Variants in WDFY1 observed in about 807,000 individuals in gnomAD.
WDFY1 encodes the protein WD repeat and FYVE domain containing 1.
In WDFY1, 32 loss-of-function variants were observed where a neutral mutation model predicts 56.4. The observed-to-expected ratio is 0.57, with a 90% CI of 0.43 to 0.76. WDFY1 has a LOEUF of 0.76. Ranked by LOEUF, WDFY1 falls within the 30% of genes least tolerant of loss-of-function variation. The pLI, the probability that WDFY1 is intolerant of heterozygous loss-of-function variation, is 0.00. For synonymous variants in WDFY1, 192 were observed against 197.3 expected (o/e 0.97, Z 0.23); for missense variants, 480 against 545.7 (o/e 0.88, Z 1.20).
intron 1 of WDFY1, among the ~76,000 whole-genome samples, chr2:223,938,235 C>T (rs1689234880): frequency 6.6e-6 from 1 of 152,178 alleles, no homozygotes; most frequent in African/African-American, 2.4e-5. Flanking sequence ...ATAAGTACGT[C>T]CATCCACAAA....
At chr2:223,942,898 C>G (rs1235695271) in intron 1 of WDFY1, among the ~76,000 whole-genome samples, 6 of 151,450 alleles carry the variant, frequency 4.0e-5, no homozygotes, top group Admixed American at 1.3e-4. Context: ...AGTCATTATT[C>G]TGGCCGGACA....
intron 5 of WDFY1, 26 bp from the exon 6 acceptor site, chr2:223,899,096 G>T: frequency 6.3e-7 from 1 of 1,592,396 alleles, no homozygotes; most frequent in South Asian, 1.1e-5. Context: ...CAAGGATGTA[G>T]AACAGAAATC....
chr2:223,904,003 G>T (rs1054744645), intron 4 of WDFY1, among the ~76,000 whole-genome samples: 1 of 152,106 alleles, frequency 6.6e-6, no homozygotes, highest in Non-Finnish European at 1.5e-5. Context: ...GCATTTAAAG[G>T]TCTCCAAACT....
intron 8 of WDFY1, among the ~76,000 whole-genome samples, chr2:223,887,956 G>A (rs139228278): frequency 3.3e-5 from 5 of 152,246 alleles, no homozygotes; most frequent in East Asian, 3.9e-4. Flanking sequence ...CAGGAAAAAC[G>A]TTCTCAGTCC....
chr2:223,894,303 G>A lies in WDFY1; in HGVS notation c.762C>T (p.Thr254=). The A allele has an allele frequency of 6.2e-7, 1 of 1,614,172 alleles. No homozygotes were observed. The highest frequency in any genetic ancestry group is 1.1e-5 in the South Asian group (1 of 91,080). The change falls in exon 8 of 12, where the codon ACC becomes ACT. Residue 254 remains threonine, a synonymous_variant. Coordinates refer to ENST00000233055, the MANE Select transcript of WDFY1 (RefSeq NM_020830.5). The stretch of plus-strand genomic sequence containing the variant: ...CCGAGGAACAGGAGACGAGCTGCCT[G>A]GTGAGCTGAAGGTAGCACAGCGACT... ...KVQSLCYLQL[T]RQLVSCSSDG...
At chr2:223,938,923 C>G (rs1205597387) in intron 1 of WDFY1, among the ~76,000 whole-genome samples, 6 of 148,124 alleles carry the variant, frequency 4.1e-5, no homozygotes, top group Non-Finnish European at 8.9e-5. Flanking sequence ...GGCACGATCT[C>G]AGCTCACCTC....
chr2:223,939,977 T>G (rs1252180823), intron 1 of WDFY1, among the ~76,000 whole-genome samples: 1 of 152,256 alleles, frequency 6.6e-6, no homozygotes, highest in Admixed American at 6.5e-5. Context: ...TGCTCTCAGC[T>G]AGTTCTCACT....
rs760522424 is a variant in WDFY1 at position 223,945,301 on chromosome 2, C to T, written c.-17G>A. 7 of 1,558,536 alleles carry T rather than the reference C, an allele frequency of 4.5e-6. No individual in the cohort carries two copies. In the East Asian group the frequency reaches 1.0e-4, roughly 23 times the overall value. ...GGCCGCCATGTTCGCGCGGCGACTG[C>T]TGCGGCCTCCTCGGCAGGCAGCCCA... On this transcript the variant is annotated 5_prime_UTR_variant, in exon 1 of 12. Coordinates refer to ENST00000233055, the MANE Select transcript of WDFY1 (RefSeq NM_020830.5).
rs1376441198 is a variant in WDFY1 at position 223,895,600 on chromosome 2, A to G, written c.629T>C (p.Ile210Thr). The G allele has an allele frequency of 6.2e-7, 1 of 1,613,896 alleles. No homozygotes were observed. The highest frequency in any genetic ancestry group is 8.5e-7 in the Non-Finnish European group (1 of 1,179,958). The change falls in exon 7 of 12, where the codon ATT (isoleucine) becomes ACT (threonine). Residue 210 changes from isoleucine (I) to threonine (T), a missense_variant. By Grantham distance (89) the Ile-to-Thr change is moderately conservative. Coordinates refer to ENST00000233055, the MANE Select transcript of WDFY1 (RefSeq NM_020830.5). ...TGCTCCTGAGAAGAGTAACCGCTGAATAGGGTCCCACCAGAGGCAGGCGAC... is the reference window on the plus strand; with the variant it reads ...TGCTCCTGAGAAGAGTAACCGCTGAGTAGGGTCCCACCAGAGGCAGGCGAC... ...GSVACLWWDP[I>T]QRLLFSGASD...
At chr2:223,887,855 G>C (rs1693198801) in intron 8 of WDFY1, among the ~76,000 whole-genome samples, 1 of 152,076 alleles carries the variant, frequency 6.6e-6, no homozygotes. Context: ...TATTGGCCTG[G>C]TTTGATCCAC....
intron 1 of WDFY1, among the ~76,000 whole-genome samples, chr2:223,942,018 T>G (rs529388078): frequency 2.6e-5 from 4 of 152,294 alleles, no homozygotes; most frequent in Non-Finnish European, 4.4e-5. Context: ...GTCATCTACC[T>G]GGGCTCTGCA....
At chr2:223,891,579 G>A (rs915370002) in intron 8 of WDFY1, among the ~76,000 whole-genome samples, 5 of 152,020 alleles carry the variant, frequency 3.3e-5, no homozygotes, top group East Asian at 1.9e-4. Flanking sequence ...CACAGGAAAT[G>A]CCTTGATTGA....
chr2:223,893,540 AAGAGAGAG>A (rs371212448), intron 8 of WDFY1, among the ~76,000 whole-genome samples: 3 of 151,836 alleles, frequency 2.0e-5, no homozygotes, highest in African/African-American at 7.3e-5. Context: ...AAAAAAAAAA[AAGAGAGAG>A]AGAGATTGTT....
intron 8 of WDFY1, among the ~76,000 whole-genome samples, chr2:223,887,937 A>G (rs544667766): frequency 6.6e-6 from 1 of 152,346 alleles, no homozygotes; most frequent in South Asian, 2.1e-4. Context: ...GAAGGCAAGA[A>G]CATAGTTTCA....
chr2:223,917,853 T>C, intron 2 of WDFY1, 90 bp downstream of exon 2: 2 of 1,493,114 alleles, frequency 1.3e-6, no homozygotes, highest in South Asian at 2.3e-5. Flanking sequence ...ATTACAGGTG[T>C]GAGCCACCAT....
chr2:223,919,668 C>T (rs903999315), intron 1 of WDFY1, among the ~76,000 whole-genome samples: 33 of 152,194 alleles, frequency 2.2e-4, no homozygotes, highest in African/African-American at 7.2e-4. Context: ...AGCCACCACA[C>T]GTGACCCATT....
intron 4 of WDFY1, among the ~76,000 whole-genome samples, chr2:223,902,973 T>C (rs1693529110): frequency 1.3e-5 from 2 of 152,102 alleles, no homozygotes; most frequent in African/African-American, 4.8e-5. Context: ...GGAAGAGCCA[T>C]CCTATTTCTA....
intron 8 of WDFY1, among the ~76,000 whole-genome samples, chr2:223,893,654 G>C (rs1316778837): frequency 1.3e-5 from 2 of 152,180 alleles, no homozygotes; most frequent in African/African-American, 4.8e-5. Context: ...CAGATACTTA[G>C]AGAAATTAAG....
intron 11 of WDFY1, 136 bp downstream of exon 11, chr2:223,879,988 G>A (rs1693038169): frequency 2.6e-6 from 2 of 765,504 alleles, no homozygotes; most frequent in Non-Finnish European, 4.4e-6. Flanking sequence ...CAAGCAATTT[G>A]TTACTCAAGG....
Sources: allele counts gnomAD v4.1 joint callset (sites outside exome capture counted in the v4.1 genomes callset), GRCh38; gene constraint gnomAD v4.1.1; transcripts MANE v1.5; gene names NCBI Gene and HGNC (gene_info 2026-07-23, HGNC 2026-07-21).